NRG1: variants seen among roughly 807,000 people sequenced by gnomAD.
The protein encoded by NRG1 is pro-neuregulin-1, membrane-bound isoform.
Under a neutral mutation model 63.8 loss-of-function variants are expected in NRG1, and 18 were observed. The observed-to-expected ratio is 0.28, with a 90% CI of 0.19 to 0.42. The LOEUF (loss-of-function observed/expected upper bound fraction) is 0.42. NRG1 is among the 10% of genes least tolerant of loss of function. NRG1 has a pLI of 1.00. For missense variants in NRG1, 762 were observed against 814.7 expected (o/e 0.94, Z 0.79); for synonymous variants, 302 against 301.3 (o/e 1.00, Z -0.02).
At chr8:32,034,583 A>C (rs1285947398) in intron 1 of NRG1, among the ~76,000 whole-genome samples, 2 of 152,018 alleles carry the variant, frequency 1.3e-5, no homozygotes, top group African/African-American at 4.8e-5. Flanking sequence ...ATTCCTGGGC[A>C]TTATTTGGTT....
chr8:31,677,360 A>G (rs1241629020), intron 1 of NRG1, among the ~76,000 whole-genome samples: 1 of 152,004 alleles, frequency 6.6e-6, no homozygotes, highest in Non-Finnish European at 1.5e-5. Flanking sequence ...CTATTGATAT[A>G]GAATCTATGT....
intron 1 of NRG1, among the ~76,000 whole-genome samples, chr8:32,234,329 T>C (rs188398359): frequency 1.1e-4 from 16 of 152,322 alleles, no homozygotes; most frequent in African/African-American, 3.8e-4. Flanking sequence ...CTCACTGACA[T>C]TGGCTAGATA....
In NRG1 at chr8:32,457,931, T is replaced by A. The variant is rs575671561; in HGVS notation, c.38-137897T>A. Among the ~76,000 whole-genome samples the A allele has an allele frequency of 5.3e-5, 8 of 152,226 alleles. No individual in the cohort carries two copies. In the South Asian group the frequency reaches 1.7e-3, roughly 32 times the overall value. On this transcript the variant is annotated intron_variant, in intron 1 of 10. Transcript: ENST00000519301. Reference sequence around the variant, plus strand: ...CGTAAAGCAACTTTTTTTTTTTTGTTTTTTTGAGATAGAGTCTCACTCTGT... The same window carrying A: ...CGTAAAGCAACTTTTTTTTTTTTGTATTTTTGAGATAGAGTCTCACTCTGT...
At chr8:32,406,795 T>G (rs17635931) in intron 1 of NRG1, among the ~76,000 whole-genome samples, 41,412 of 151,974 alleles carry the variant, frequency 0.27, 5,940 homozygotes, top group Middle Eastern at 0.34. Context: ...ATAAGTATTT[T>G]TGCTTAATAA....
At chr8:31,893,615 T>C (rs1831325749) in intron 1 of NRG1, among the ~76,000 whole-genome samples, 1 of 151,728 alleles carries the variant, frequency 6.6e-6, no homozygotes, top group African/African-American at 2.4e-5. Flanking sequence ...GCCATATATG[T>C]AGATAATTCA....
At chr8:31,744,518 C>T (rs1815653689) in intron 1 of NRG1, among the ~76,000 whole-genome samples, 1 of 151,942 alleles carries the variant, frequency 6.6e-6, no homozygotes, top group African/African-American at 2.4e-5. Context: ...GAAGGTTTAC[C>T]TTCAGCTTGT....
chr8:32,516,942 C>T (rs2129504131), intron 1 of NRG1, among the ~76,000 whole-genome samples: 1 of 151,778 alleles, frequency 6.6e-6, no homozygotes, highest in African/African-American at 2.4e-5. Flanking sequence ...GATGAATTCT[C>T]TAGCAGATTG....
intron 1 of NRG1, among the ~76,000 whole-genome samples, chr8:32,549,032 C>G (rs1313137725): frequency 1.3e-5 from 2 of 152,224 alleles, no homozygotes; most frequent in African/African-American, 4.8e-5. Flanking sequence ...GGCGCCTACG[C>G]CCAGAGCTCA....
chr8:31,839,627 A>G (rs1826004980), intron 1 of NRG1, among the ~76,000 whole-genome samples: 1 of 152,196 alleles, frequency 6.6e-6, no homozygotes, highest in Non-Finnish European at 1.5e-5. Context: ...TATGTTGCAA[A>G]GTAGCCCACT....
intron 1 of NRG1, among the ~76,000 whole-genome samples, chr8:31,919,182 GT>G (rs1165564225): frequency 2.0e-5 from 3 of 151,884 alleles, no homozygotes; most frequent in East Asian, 1.9e-4. Flanking sequence ...TTTTTGAAGG[GT>G]TTTTTGTGTC....
chr8:32,510,078 A>G (rs1828976775), intron 1 of NRG1, among the ~76,000 whole-genome samples: 1 of 148,444 alleles, frequency 6.7e-6, no homozygotes, highest in South Asian at 2.2e-4. Flanking sequence ...AGGAGAAAGA[A>G]CATAGCTATC....
chr8:32,647,048 G>T (rs1853711281), intron 5 of NRG1: 5 of 985,144 alleles, frequency 5.1e-6, no homozygotes, highest in Admixed American at 6.2e-5. Context: ...GGGTGGGGTG[G>T]AGGCAGGGCG....
At chr8:32,728,939 A>T (rs1293131565) in intron 6 of NRG1, among the ~76,000 whole-genome samples, 1 of 152,112 alleles carries the variant, frequency 6.6e-6, no homozygotes, top group Admixed American at 6.5e-5. Flanking sequence ...GTGGTGGCAC[A>T]CGCCTGTAGT....
At chr8:32,044,930 A>AAAAAAAAAAAAAAAAAAAAAAAAAAAAAC (rs1554610208) in intron 1 of NRG1, among the ~76,000 whole-genome samples, 2 of 137,034 alleles carry the variant, frequency 1.5e-5, no homozygotes, top group African/African-American at 2.8e-5. Flanking sequence ...AAAAAAAAAA[A>AAAAAAAAAAAAAAAAAAAAAAAAAAAAAC]ACACACACAC....
At chr8:32,251,014 C>A (rs1326091773) in intron 1 of NRG1, among the ~76,000 whole-genome samples, 2 of 151,844 alleles carry the variant, frequency 1.3e-5, no homozygotes, top group Non-Finnish European at 2.9e-5. Context: ...AAAGTTACTG[C>A]TTAGTTGAAA....
intron 1 of NRG1, among the ~76,000 whole-genome samples, chr8:32,285,830 G>A (rs1853454642): frequency 6.6e-6 from 1 of 152,160 alleles, no homozygotes; most frequent in Non-Finnish European, 1.5e-5. Context: ...AACATGGTGT[G>A]TGGCTTCTGA....
At chr8:32,757,509 G>C (rs572236389) in intron 9 of NRG1, among the ~76,000 whole-genome samples, 1 of 152,180 alleles carries the variant, frequency 6.6e-6, no homozygotes, top group Non-Finnish European at 1.5e-5. Context: ...AGCAAGTCTT[G>C]TAGCAAAAAC....
At chr8:31,874,955 G>A (rs1225898913) in intron 1 of NRG1, among the ~76,000 whole-genome samples, 1 of 152,126 alleles carries the variant, frequency 6.6e-6, no homozygotes, top group East Asian at 1.9e-4. Context: ...TCAGTATCAA[G>A]CAAATAACAA....
At chr8:32,389,841 A>C (rs1297139792) in intron 1 of NRG1, among the ~76,000 whole-genome samples, 1 of 151,492 alleles carries the variant, frequency 6.6e-6, no homozygotes, top group African/African-American at 2.4e-5. Context: ...GCTCACTGCA[A>C]CCTCTGCCTC....
Sources: allele counts gnomAD v4.1 joint callset (sites outside exome capture counted in the v4.1 genomes callset), GRCh38; gene constraint gnomAD v4.1.1; transcripts MANE v1.5; gene names NCBI Gene and HGNC (gene_info 2026-07-23, HGNC 2026-07-21).